The following LINGO2 variants were observed in gnomAD, a reference collection of about 807,000 sequenced individuals.
The protein encoded by LINGO2 is leucine rich repeat and Ig domain containing 2.
In LINGO2, 14 loss-of-function variants were observed where a neutral mutation model predicts 30.6. The observed-to-expected ratio is 0.46, with a 90% CI of 0.30 to 0.72. The LOEUF is 0.72. Ranked by LOEUF, LINGO2 falls within the 30% of genes least tolerant of loss-of-function variation. LINGO2 has a pLI of 0.07. For missense variants in LINGO2, 729 were observed against 751.7 expected (o/e 0.97, Z 0.35); for synonymous variants, 317 against 288.5 (o/e 1.10, Z -1.00).
intron 4 of LINGO2, among the ~76,000 whole-genome samples, chr9:28,155,299 G>A (rs1828103614): frequency 6.6e-6 from 1 of 152,206 alleles, no homozygotes; most frequent in Non-Finnish European, 1.5e-5. Flanking sequence ...CATGTGAGAA[G>A]CCACATGCTG....
the LINGO2 span, among the ~76,000 whole-genome samples, chr9:29,109,244 T>C: frequency 2.6e-5 from 4 of 152,132 alleles, no homozygotes; most frequent in Non-Finnish European, 4.4e-5. Flanking sequence ...ATCTCATCTG[T>C]TGAGATGCCC....
chr9:27,961,627 T>G (rs953601214), intron 5 of LINGO2, among the ~76,000 whole-genome samples: 1 of 152,226 alleles, frequency 6.6e-6, no homozygotes, highest in Non-Finnish European at 1.5e-5. Context: ...AAGTGTTTTA[T>G]GCAAAAGAGT....
intron 5 of LINGO2, among the ~76,000 whole-genome samples, chr9:27,988,983 A>G (rs1265335960): frequency 6.6e-6 from 1 of 151,970 alleles, no homozygotes. Flanking sequence ...TCTTGCTTGA[A>G]TGACTGCAAT....
At chr9:29,186,845 A>C in the LINGO2 span, among the ~76,000 whole-genome samples, 1 of 152,164 alleles carries the variant, frequency 6.6e-6, no homozygotes, top group East Asian at 1.9e-4. Context: ...TTTGAGAATT[A>C]AATGAGATAA....
the LINGO2 span, among the ~76,000 whole-genome samples, chr9:28,873,150 C>T: frequency 6.6e-6 from 1 of 151,936 alleles, no homozygotes; most frequent in African/African-American, 2.4e-5. Flanking sequence ...GGGCGGATCA[C>T]TTGAGGTCAG....
chr9:28,325,800 G>C (rs957915125), intron 3 of LINGO2, among the ~76,000 whole-genome samples: 2 of 151,816 alleles, frequency 1.3e-5, no homozygotes, highest in African/African-American at 4.8e-5. Flanking sequence ...ACTAATACAT[G>C]GTCTAATCAC....
intron 4 of LINGO2, among the ~76,000 whole-genome samples, chr9:28,163,953 A>G (rs1828357884): frequency 6.6e-6 from 1 of 152,234 alleles, no homozygotes. Context: ...ACATTGATCA[A>G]GATGTAAATA....
chr9:29,149,189 ATTTAG>A, the LINGO2 span, among the ~76,000 whole-genome samples: 2 of 152,188 alleles, frequency 1.3e-5, no homozygotes, highest in African/African-American at 2.4e-5. Flanking sequence ...CATAAGAAAA[ATTTAG>A]TTTATTTTAA....
the LINGO2 span, among the ~76,000 whole-genome samples, chr9:28,936,464 C>T: frequency 1.4e-4 from 21 of 152,280 alleles, no homozygotes; most frequent in Non-Finnish European, 2.5e-4. Context: ...AAATAACCAT[C>T]TGAAGAGGCC....
the LINGO2 span, among the ~76,000 whole-genome samples, chr9:29,049,064 C>A: frequency 6.6e-6 from 1 of 152,050 alleles, no homozygotes; most frequent in African/African-American, 2.4e-5. Context: ...GCAAACTACC[C>A]ATTTGACAAG....
At chr9:28,333,147 G>A (rs1160213851) in intron 3 of LINGO2, among the ~76,000 whole-genome samples, 4 of 152,162 alleles carry the variant, frequency 2.6e-5, no homozygotes, top group Non-Finnish European at 4.4e-5. Flanking sequence ...CAAGTTGTGA[G>A]TCACACAAAA....
At chr9:28,822,766 T>TG in the LINGO2 span, among the ~76,000 whole-genome samples, 11 of 152,256 alleles carry the variant, frequency 7.2e-5, no homozygotes, top group African/African-American at 2.4e-4. Flanking sequence ...CTTGAGGTTA[T>TG]GTGAATGAAT....
intron 3 of LINGO2, among the ~76,000 whole-genome samples, chr9:28,353,526 G>C (rs1253710879): frequency 6.6e-6 from 1 of 151,852 alleles, no homozygotes; most frequent in Non-Finnish European, 1.5e-5. Flanking sequence ...AGGATGTGGA[G>C]AAATAGGAAC....
the LINGO2 span, among the ~76,000 whole-genome samples, chr9:29,087,934 A>G: frequency 5.9e-5 from 9 of 152,154 alleles, no homozygotes; most frequent in Non-Finnish European, 1.0e-4. Flanking sequence ...GATTAAGTGT[A>G]TGGTTAAATG....
chr9:28,915,513 A>G, the LINGO2 span, among the ~76,000 whole-genome samples: 1 of 152,180 alleles, frequency 6.6e-6, no homozygotes, highest in African/African-American at 2.4e-5. Flanking sequence ...AGCCCTCAGT[A>G]TCACCATATT....
intron 4 of LINGO2, among the ~76,000 whole-genome samples, chr9:28,019,906 G>A (rs970082145): frequency 6.6e-6 from 1 of 152,088 alleles, no homozygotes; most frequent in African/African-American, 2.4e-5. Flanking sequence ...AGATGGGCCA[G>A]GTCTGTTTCC....
the LINGO2 span, among the ~76,000 whole-genome samples, chr9:28,811,274 C>T: frequency 1.1e-4 from 17 of 152,232 alleles, no homozygotes; most frequent in South Asian, 2.9e-3. Context: ...TTTCCTATTA[C>T]ATGACCACCA....
intron 2 of LINGO2, among the ~76,000 whole-genome samples, chr9:28,446,124 T>C (rs1449307908): frequency 6.6e-6 from 1 of 152,218 alleles, no homozygotes; most frequent in Non-Finnish European, 1.5e-5. Flanking sequence ...GAATGTTTAT[T>C]TTTCATTTTA....
the LINGO2 span, among the ~76,000 whole-genome samples, chr9:28,821,583 G>A: frequency 6.6e-6 from 1 of 152,158 alleles, no homozygotes; most frequent in Non-Finnish European, 1.5e-5. Flanking sequence ...AAAACAGAAC[G>A]TTGTGAAAAA....
Sources: gnomAD v4.1 joint callset for allele counts (sites outside exome capture counted in the v4.1 genomes callset) on GRCh38, gnomAD v4.1.1 for gene constraint, MANE v1.5 for transcripts, NCBI Gene and HGNC (gene_info 2026-07-23, HGNC 2026-07-21) for gene names.